GPR39: variants seen among roughly 807,000 people sequenced by gnomAD.
GPR39 encodes G protein-coupled receptor 39.
GPR39 carries 23 observed loss-of-function variants against 18.4 expected under a neutral mutation model. That is an observed-to-expected ratio of 1.25 (90% CI 0.90 to 1.77). The LOEUF (loss-of-function observed/expected upper bound fraction) is 1.77. Ranked by LOEUF, GPR39 falls within the 40% of genes most tolerant of loss-of-function variation. The probability of loss-of-function intolerance (pLI) is 0.00; values close to 1 mark genes in which losing one functional copy is unlikely to be tolerated. For missense variants in GPR39, 647 were observed against 602.4 expected, an observed-to-expected ratio of 1.07 and a Z score of -0.78; for synonymous variants, 280 against 257.9, an observed-to-expected ratio of 1.09 and a Z score of -0.82.
chr2:132,487,450 G>A (rs755363079), intron 1 of GPR39, among the ~76,000 whole-genome samples: 1 of 152,156 alleles, frequency 6.6e-6, no homozygotes, highest in Non-Finnish European at 1.5e-5. Flanking sequence ...GTGCATTGAA[G>A]CGAAGCATAA....
chr2:132,588,546 CTG>C (rs1203434448), intron 1 of GPR39, among the ~76,000 whole-genome samples: 1 of 152,176 alleles, frequency 6.6e-6, no homozygotes, highest in Non-Finnish European at 1.5e-5. Flanking sequence ...CTGCTTCACT[CTG>C]TGTGTGGGGC....
In GPR39 at chr2:132,634,252, A is replaced by G. The variant is rs184983398; in HGVS notation, c.857-10849A>G. On this transcript the variant is annotated intron_variant, in intron 1 of 1. Coordinates refer to ENST00000329321, the MANE Select transcript of GPR39 (RefSeq NM_001508.3). ...TTGACAGTGGTCCTTTTCTGACAGC[A>G]GTCACTGTGGTCAGCACTATCCCTT... 2.5e-3 allele frequency among the ~76,000 whole-genome samples: 375 copies of G among 152,256 alleles called. 1 individual carries two copies. Among genetic ancestry groups the G allele is most frequent in the African/African-American group, 8.3e-3 (343 of 41,518 alleles).
chr2:132,472,882 A>G (rs543377692), intron 1 of GPR39, among the ~76,000 whole-genome samples: 6 of 151,998 alleles, frequency 3.9e-5, no homozygotes, highest in Admixed American at 2.6e-4. Context: ...CAAGGGAGCT[A>G]TTTTTTCAAG....
intron 1 of GPR39, among the ~76,000 whole-genome samples, chr2:132,439,954 T>A (rs1355000183): frequency 6.6e-6 from 1 of 152,154 alleles, no homozygotes; most frequent in Non-Finnish European, 1.5e-5. Flanking sequence ...CATATTTGTC[T>A]ACAAAGGGAT....
intron 1 of GPR39, among the ~76,000 whole-genome samples, chr2:132,443,857 C>G (rs1271824299): frequency 1.3e-5 from 2 of 152,146 alleles, no homozygotes; most frequent in African/African-American, 4.8e-5. Flanking sequence ...ATCTCTTGAG[C>G]CCAGGTGTTC....
intron 1 of GPR39, among the ~76,000 whole-genome samples, chr2:132,455,460 T>A (rs1037885356): frequency 1.8e-4 from 27 of 152,236 alleles, no homozygotes; most frequent in African/African-American, 6.3e-4. Flanking sequence ...TTTTGAAGGG[T>A]TTTTTGTTTC....
chr2:132,607,823 A>C (rs1681168278), intron 1 of GPR39, among the ~76,000 whole-genome samples: 1 of 152,204 alleles, frequency 6.6e-6, no homozygotes, highest in Non-Finnish European at 1.5e-5. Flanking sequence ...TTTGATTTTT[A>C]ATTTTACGCT....
intron 1 of GPR39, among the ~76,000 whole-genome samples, chr2:132,608,593 A>C (rs958918561): frequency 2.0e-5 from 3 of 152,224 alleles, no homozygotes; most frequent in Admixed American, 1.3e-4. Context: ...GCCACTGCTA[A>C]GCAGGTACAG....
chr2:132,581,902 C>T (rs1185673158), intron 1 of GPR39, among the ~76,000 whole-genome samples: 2 of 152,112 alleles, frequency 1.3e-5, no homozygotes, highest in Non-Finnish European at 2.9e-5. Flanking sequence ...TCCAGTTTTA[C>T]TGAATCTTTC....
intron 1 of GPR39, among the ~76,000 whole-genome samples, chr2:132,490,401 T>C (rs763354232): frequency 1.3e-5 from 2 of 151,894 alleles, no homozygotes; most frequent in Non-Finnish European, 2.9e-5. Flanking sequence ...TCTTTAACCA[T>C]CAGCTGTAGA....
chr2:132,517,745 G>A (rs1407906901), intron 1 of GPR39, among the ~76,000 whole-genome samples: 2 of 152,042 alleles, frequency 1.3e-5, no homozygotes, highest in African/African-American at 4.8e-5. Flanking sequence ...TGAAAGAATT[G>A]GTAAAATTCA....
rs549385709 is a variant in GPR39 at position 132,452,531 on chromosome 2, G to A, written c.856+34633G>A. On this transcript the variant is annotated intron_variant, in intron 1 of 1. Transcript: ENST00000329321. ...CTAGGGTACATGTGCACAGCATGCA[G>A]GTTTGATACATAGGTATACATGTGC... Among the ~76,000 whole-genome samples, 10 of 152,030 alleles carry A rather than the reference G, an allele frequency of 6.6e-5. No homozygotes were observed. The East Asian group carries it at 1.7e-3, about 27-fold the overall frequency.
intron 1 of GPR39, among the ~76,000 whole-genome samples, chr2:132,582,980 A>G (rs1283630944): frequency 7.4e-6 from 1 of 136,006 alleles, no homozygotes; most frequent in East Asian, 2.1e-4. Flanking sequence ...CAGTGACACT[A>G]TCACAGCTCA....
In GPR39 at chr2:132,524,925, C is replaced by T. The variant is rs115230778; in HGVS notation, c.856+107027C>T. On this transcript the variant is annotated intron_variant, in intron 1 of 1. Transcript: ENST00000329321. ...TTCACGCTTCAGTCATTTTCCTCTG[C>T]GAATCGCTTTATACAGCCCATACTC... Among the ~76,000 whole-genome samples, 386 of 152,262 alleles carry T rather than the reference C, an allele frequency of 2.5e-3. 2 individuals are homozygous for T. Among genetic ancestry groups the T allele is most frequent in the African/African-American group, 8.5e-3 (354 of 41,540 alleles).
intron 1 of GPR39, among the ~76,000 whole-genome samples, chr2:132,537,532 G>A (rs989395329): frequency 6.8e-6 from 1 of 147,350 alleles, no homozygotes; most frequent in South Asian, 2.2e-4. Flanking sequence ...CGACCTTGGA[G>A]AATCTGATGA....
At chr2:132,485,343 G>T (rs1360916607) in intron 1 of GPR39, among the ~76,000 whole-genome samples, 2 of 152,194 alleles carry the variant, frequency 1.3e-5, no homozygotes, top group Non-Finnish European at 2.9e-5. Context: ...AGTCAGGATA[G>T]TGGTTGCTGA....
At chr2:132,567,149 C>T (rs1417521296) in intron 1 of GPR39, among the ~76,000 whole-genome samples, 4 of 152,128 alleles carry the variant, frequency 2.6e-5, no homozygotes, top group African/African-American at 9.7e-5. Context: ...TGGTGAAACC[C>T]CATCTCTAGT....
At chr2:132,611,825 A>G (rs1681244358) in intron 1 of GPR39, among the ~76,000 whole-genome samples, 1 of 152,140 alleles carries the variant, frequency 6.6e-6, no homozygotes, top group South Asian at 2.1e-4. Flanking sequence ...TTCTGTGGGC[A>G]TCTACATGTA....
intron 1 of GPR39, among the ~76,000 whole-genome samples, chr2:132,586,785 G>T (rs1041616491): frequency 6.6e-6 from 1 of 152,240 alleles, no homozygotes; most frequent in African/African-American, 2.4e-5. Context: ...TGAGATTGTA[G>T]ATATGTGCCC....
Sources: gnomAD v4.1 joint callset for allele counts (sites outside exome capture counted in the v4.1 genomes callset) on GRCh38, gnomAD v4.1.1 for gene constraint, MANE v1.5 for transcripts, NCBI Gene and HGNC (gene_info 2026-07-23, HGNC 2026-07-21) for gene names.